The following CSNK1G1 variants were observed in gnomAD, a reference collection of about 807,000 sequenced individuals.
CSNK1G1 encodes the protein casein kinase I isoform gamma-1.
A neutral mutation model predicts 59.6 loss-of-function variants in CSNK1G1; 22 were observed. The observed-to-expected ratio is 0.37, with a 90% confidence interval of 0.26 to 0.53. The LOEUF is 0.53. Ranked by LOEUF, CSNK1G1 falls within the 20% of genes least tolerant of loss-of-function variation. The pLI, the probability that CSNK1G1 is intolerant of heterozygous loss-of-function variation, is 0.89. For missense variants in CSNK1G1, 384 were observed against 519.5 expected (o/e 0.74, Z 2.54); for synonymous variants, 179 against 177.1 (o/e 1.01, Z -0.08).
At chr15:64,187,204 G>T (rs890650666) in intron 10 of CSNK1G1, among the ~76,000 whole-genome samples, 3 of 148,282 alleles carry the variant, frequency 2.0e-5, no homozygotes, top group South Asian at 2.1e-4. Context: ...GGTTTTTTTT[G>T]GGGGGGATGG....
chr15:64,216,716 G>C lies in CSNK1G1; in HGVS notation c.293-3C>G. 6.2e-7 allele frequency: 1 copy of C among 1,613,772 alleles called. No individual in the cohort carries two copies. Among genetic ancestry groups the C allele is most frequent in the East Asian group, 2.2e-5 (1 of 44,890 alleles). ...ATACACCTGTGGGAGACCTTCACCT[G>C]AAAGCAGAGGGGAAATGGGGGTATA... On this transcript the variant is annotated splice_polypyrimidine_tract_variant and splice_region_variant and intron_variant, in intron 4 of 11. Coordinates refer to ENST00000303052, the MANE Select transcript of CSNK1G1 (RefSeq NM_022048.5). The surrounding 1 kb of genome is among the most constrained non-coding windows in gnomAD (Gnocchi z 4.6).
chr15:64,273,509 G>A lies in CSNK1G1; in HGVS notation c.182-14268C>T, dbSNP rs1201123560. On this transcript the variant is annotated intron_variant, in intron 2 of 11. Coordinates refer to ENST00000303052, the MANE Select transcript of CSNK1G1 (RefSeq NM_022048.5). ...TTTTATTACTTCTATTATTATAGCA[G>A]AGAAGAGGTAATAATTCCTAAGAGG... Among the ~76,000 whole-genome samples the A allele has an allele frequency of 2.6e-5, 4 of 152,240 alleles. No individual in the cohort carries two copies. In the East Asian group the frequency reaches 7.7e-4, roughly 29 times the overall value.
chr15:64,213,494 A>T (rs2082273917), intron 6 of CSNK1G1, among the ~76,000 whole-genome samples: 1 of 152,230 alleles, frequency 6.6e-6, no homozygotes, highest in Non-Finnish European at 1.5e-5. Context: ...AGTGAACAGA[A>T]GTCTACTCCA....
In CSNK1G1 at chr15:64,280,362, T is replaced by C. The variant is rs80004462; in HGVS notation, c.181+19957A>G. The stretch of plus-strand genomic sequence containing the variant: ...CCCAGGACAACCAGGGCAAAATAGG[T>C]AGTCATTCCACTCAGACTTACCTTT... On this transcript the variant is annotated intron_variant, in intron 2 of 11. Transcript: ENST00000303052. 2.4e-3 allele frequency among the ~76,000 whole-genome samples: 362 copies of C among 152,086 alleles called. 2 individuals carry two copies. Among genetic ancestry groups the C allele is most frequent in the African/African-American group, 8.3e-3 (346 of 41,520 alleles).
At chr15:64,205,666 G>C (rs568123690) in intron 7 of CSNK1G1, among the ~76,000 whole-genome samples, 2 of 152,294 alleles carry the variant, frequency 1.3e-5, no homozygotes, top group African/African-American at 4.8e-5. Context: ...AGAAATTTTA[G>C]ATCTACAACT....
intron 2 of CSNK1G1, among the ~76,000 whole-genome samples, chr15:64,288,084 T>C (rs540670598): frequency 5.9e-5 from 9 of 152,308 alleles, no homozygotes; most frequent in African/African-American, 2.2e-4. Flanking sequence ...TTTTTAATTG[T>C]TGGACTTGAG....
At position 64,293,295 on chromosome 15, in the gene CSNK1G1, T is replaced by C. The variant is rs556544496; in HGVS notation, c.181+7024A>G. 9.2e-5 allele frequency among the ~76,000 whole-genome samples: 14 copies of C among 152,282 alleles called. No individual in the cohort carries two copies. The South Asian group carries it at 2.3e-3, about 25-fold the overall frequency. On this transcript the variant is annotated intron_variant, in intron 2 of 11. Coordinates refer to ENST00000303052, the MANE Select transcript of CSNK1G1 (RefSeq NM_022048.5). Reference sequence around the variant, plus strand: ...AGACTCCACAGAAATAATCTTTCCATTGAAAATGAGCAAAGGCCACATAGA... The same window carrying C: ...AGACTCCACAGAAATAATCTTTCCACTGAAAATGAGCAAAGGCCACATAGA...
At chr15:64,191,678 T>G (rs1180263654) in intron 10 of CSNK1G1, among the ~76,000 whole-genome samples, 1 of 152,218 alleles carries the variant, frequency 6.6e-6, no homozygotes, top group Non-Finnish European at 1.5e-5. Context: ...CTATTTATCT[T>G]TTAAAGATAA....
At chr15:64,219,021 A>G (rs995275626) in intron 4 of CSNK1G1, among the ~76,000 whole-genome samples, 2 of 150,920 alleles carry the variant, frequency 1.3e-5, no homozygotes, top group African/African-American at 4.9e-5. Context: ...CGCCCAGCTA[A>G]TTTTTGTATT....
chr15:64,289,609 G>A (rs1894625684), intron 2 of CSNK1G1, among the ~76,000 whole-genome samples: 1 of 152,110 alleles, frequency 6.6e-6, no homozygotes, highest in Admixed American at 6.5e-5. Context: ...AAAAGCATCT[G>A]CACAGCAAAA....
At chr15:64,322,775 G>T (rs1407363292) in intron 1 of CSNK1G1, among the ~76,000 whole-genome samples, 3 of 152,164 alleles carry the variant, frequency 2.0e-5, no homozygotes, top group African/African-American at 7.2e-5. Context: ...AGAGCCTGGA[G>T]TGAGCACTAC....
intron 3 of CSNK1G1, among the ~76,000 whole-genome samples, chr15:64,254,931 C>T (rs1415468145): frequency 6.6e-6 from 1 of 152,128 alleles, no homozygotes. Context: ...TTCAATCTTA[C>T]ATTTAGGTCT....
At position 64,231,283 on chromosome 15, in the gene CSNK1G1, A is replaced by C. The variant is rs2082544846; in HGVS notation, c.293-14570T>G. Reference sequence around the variant, plus strand: ...TGAGGCTGCAGTGAGCTGTGATGACACCACTGCACTTCAGCCTAGGTGACA... The same window carrying C: ...TGAGGCTGCAGTGAGCTGTGATGACCCCACTGCACTTCAGCCTAGGTGACA... On this transcript the variant is annotated intron_variant, in intron 4 of 11. Coordinates refer to ENST00000303052, the MANE Select transcript of CSNK1G1 (RefSeq NM_022048.5). Among the ~76,000 whole-genome samples, 3 of 148,816 alleles carry C rather than the reference A, an allele frequency of 2.0e-5. No homozygotes were observed. In the South Asian group the frequency reaches 6.3e-4, roughly 31 times the overall value.
chr15:64,204,412 TAAAA>T (rs75931046), intron 9 of CSNK1G1, 25 bp downstream of exon 9: 3,427 of 1,386,460 alleles, frequency 2.5e-3, no homozygotes, highest in South Asian at 5.1e-3. Flanking sequence ...GTAATGAGGT[TAAAA>T]AAAAAAAAAA....
At chr15:64,278,479 A>G (rs1267682525) in intron 2 of CSNK1G1, among the ~76,000 whole-genome samples, 1 of 142,636 alleles carries the variant, frequency 7.0e-6, no homozygotes, top group African/African-American at 2.7e-5. Context: ...CCCAGGCTGG[A>G]GTGCAGTGGC....
chr15:64,316,246 G>C (rs1271449446), intron 1 of CSNK1G1, among the ~76,000 whole-genome samples: 1 of 151,832 alleles, frequency 6.6e-6, no homozygotes, highest in Non-Finnish European at 1.5e-5. Flanking sequence ...AACAGAAAAA[G>C]TTAATGCAGG....
chr15:64,263,480 C>T (rs911174766), intron 2 of CSNK1G1, among the ~76,000 whole-genome samples: 6 of 151,498 alleles, frequency 4.0e-5, no homozygotes, highest in African/African-American at 1.5e-4. Context: ...AGCCACCGCT[C>T]CCAGGCTCAG....
intron 4 of CSNK1G1, among the ~76,000 whole-genome samples, chr15:64,231,259 G>T (rs535807215): frequency 6.7e-6 from 1 of 149,778 alleles, no homozygotes; most frequent in Admixed American, 6.7e-5. Context: ...CCAGGAGGTT[G>T]AGGCTGCAGT....
intron 2 of CSNK1G1, among the ~76,000 whole-genome samples, chr15:64,272,276 C>T (rs957234254): frequency 3.3e-5 from 5 of 150,052 alleles, no homozygotes; most frequent in Middle Eastern, 3.5e-3. Context: ...AGTGCAGTGG[C>T]GCAATCTCGG....
Sources: gnomAD v4.1 joint callset for allele counts (sites outside exome capture counted in the v4.1 genomes callset) on GRCh38, gnomAD v4.1.1 for gene constraint, Gnocchi (gnomAD v3.1) non-coding constraint, MANE v1.5 for transcripts, NCBI Gene and HGNC (gene_info 2026-07-23, HGNC 2026-07-21) for gene names.